ALMS1: variants seen among roughly 807,000 people sequenced by gnomAD.
The protein encoded by ALMS1 is centrosome-associated protein ALMS1.
In ALMS1, 271 loss-of-function variants were observed where a neutral mutation model predicts 352.2. The observed-to-expected ratio is 0.77, with a 90% confidence interval of 0.70 to 0.85. The LOEUF (loss-of-function observed/expected upper bound fraction) is 0.85. ALMS1 is among the 40% of genes least tolerant of loss of function. The pLI, the probability that ALMS1 is intolerant of heterozygous loss-of-function variation, is 0.00. For synonymous variants in ALMS1, 1,865 were observed against 1,761.2 expected (o/e 1.06, Z -1.48); for missense variants, 5,445 against 4,870.7 (o/e 1.12, Z -3.51).
intron 17 of ALMS1, among the ~76,000 whole-genome samples, chr2:73,600,157 G>A (rs1675645033): frequency 6.6e-6 from 1 of 152,182 alleles, no homozygotes; most frequent in Admixed American, 6.5e-5. Flanking sequence ...TTGCTTAAAT[G>A]TGCAAAACGA....
chr2:73,576,354 G>A (rs1176697820), intron 16 of ALMS1, among the ~76,000 whole-genome samples: 1 of 152,004 alleles, frequency 6.6e-6, no homozygotes, highest in African/African-American at 2.4e-5. Context: ...ACTACCATAT[G>A]TGCAATTTCT....
intron 10 of ALMS1, 112 bp from the exon 11 acceptor site, chr2:73,519,663 C>G: frequency 7.0e-7 from 1 of 1,420,580 alleles, no homozygotes; most frequent in Non-Finnish European, 9.8e-7. Context: ...GATGTGTCCA[C>G]AATATATTCC....
At chr2:73,573,553 GAA>G (rs766518589) in intron 16 of ALMS1, 129 bp downstream of exon 16, 54 of 934,410 alleles carry the variant, frequency 5.8e-5, no homozygotes, top group Non-Finnish European at 8.9e-5. Flanking sequence ...TTACCAACTG[GAA>G]AAGAGTGAGA....
At chr2:73,598,111 G>A (rs935832936) in intron 16 of ALMS1, among the ~76,000 whole-genome samples, 2 of 152,120 alleles carry the variant, frequency 1.3e-5, no homozygotes, top group African/African-American at 4.8e-5. Flanking sequence ...ATTTGGATAA[G>A]GTTGGTTCAA....
At chr2:73,405,390 C>T (rs1240998030) in intron 1 of ALMS1, among the ~76,000 whole-genome samples, 1 of 152,044 alleles carries the variant, frequency 6.6e-6, no homozygotes, top group Non-Finnish European at 1.5e-5. Context: ...TCATAGTATT[C>T]TCCTATGATC....
chr2:73,455,842 ATTTTT>A (rs35537968), intron 9 of ALMS1, among the ~76,000 whole-genome samples: 1 of 150,398 alleles, frequency 6.6e-6, no homozygotes, highest in South Asian at 2.1e-4. Flanking sequence ...TGTTTTATCA[ATTTTT>A]TTTTTAAGAA....
At chr2:73,505,571 G>GT (rs1292610707) in intron 10 of ALMS1, among the ~76,000 whole-genome samples, 1 of 152,002 alleles carries the variant, frequency 6.6e-6, no homozygotes, top group African/African-American at 2.4e-5. Context: ...GGGGTTGTTT[G>GT]TTTTTTTCTT....
Position 73,449,753 on chromosome 2 carries a change from G to GT in ALMS1, c.3229dup (p.Ser1077PhefsTer8). 6.2e-7 allele frequency: 1 copy of GT among 1,614,110 alleles called. No individual in the cohort carries two copies. The highest frequency in any genetic ancestry group is 8.5e-7 in the Non-Finnish European group (1 of 1,179,978). On this transcript the variant is annotated frameshift_variant, in exon 8 of 23. Transcript: ENST00000613296. LOFTEE classifies it high-confidence loss of function. Reference sequence around the variant, plus strand: ...TCATCTACCTGAAGAGAGTCTGAAAGTTTCAGCCTTCCCTGGACCAGCTGA... The same window carrying GT: ...TCATCTACCTGAAGAGAGTCTGAAAGTTTTCAGCCTTCCCTGGACCAGCTGA...
At chr2:73,484,807 C>G (rs555638782) in intron 9 of ALMS1, among the ~76,000 whole-genome samples, 25 of 152,316 alleles carry the variant, frequency 1.6e-4, no homozygotes, top group African/African-American at 5.8e-4. Flanking sequence ...CTTCCCTTCT[C>G]GCTTCATTTC....
At chr2:73,558,826 C>G in intron 14 of ALMS1, 146 bp from the exon 15 acceptor site, 1 of 873,342 alleles carries the variant, frequency 1.1e-6, no homozygotes, top group Non-Finnish European at 1.7e-6. Flanking sequence ...CCCCAATTTT[C>G]AATTATTTTC....
At chr2:73,576,646 G>A (rs1675060000) in intron 16 of ALMS1, among the ~76,000 whole-genome samples, 1 of 148,380 alleles carries the variant, frequency 6.7e-6, no homozygotes, top group Non-Finnish European at 1.5e-5. Flanking sequence ...TTGAGACAGA[G>A]TTTCACTCTT....
intron 10 of ALMS1, among the ~76,000 whole-genome samples, chr2:73,509,434 G>A (rs1444100189): frequency 3.3e-5 from 5 of 152,242 alleles, no homozygotes; most frequent in South Asian, 2.1e-4. Context: ...TCCTTCAGGA[G>A]GTCTTGTAAG....
chr2:73,525,486 G>T (rs150017488), intron 11 of ALMS1, among the ~76,000 whole-genome samples: 1,523 of 152,238 alleles, frequency 0.01, 8 homozygotes, highest in South Asian at 0.016. Context: ...GGGTGAGATG[G>T]TATCTCATTG....
chr2:73,600,754 C>G lies in ALMS1; in HGVS notation c.11745C>G (p.Ser3915Arg). 6.2e-6 allele frequency: 10 copies of G among 1,614,058 alleles called. No individual in the cohort carries two copies. Among genetic ancestry groups the G allele is most frequent in the Non-Finnish European group, 8.5e-6 (10 of 1,180,016 alleles). Reference protein sequence around the residue: ...VGITFPTPSSSEAKLEENSDV... With the variant: ...VGITFPTPSSREAKLEENSDV... Reference sequence around the variant, plus strand: ...TAACTTTCCCAACTCCAAGTTCCAGCGAGGCTAAATTGGAAGAGAACAGTG... The same window carrying G: ...TAACTTTCCCAACTCCAAGTTCCAGGGAGGCTAAATTGGAAGAGAACAGTG... The change falls in exon 18 of 23, where the codon AGC (serine) becomes AGG (arginine). Residue 3915 changes from serine to arginine, a missense_variant. Physicochemically the swap from Ser to Arg is moderately radical, Grantham distance 110 (BLOSUM62 -1). Coordinates refer to ENST00000613296, the MANE Select transcript of ALMS1 (RefSeq NM_001378454.1).
chr2:73,570,986 G>T (rs551187420), intron 15 of ALMS1, among the ~76,000 whole-genome samples: 1 of 152,106 alleles, frequency 6.6e-6, no homozygotes, highest in African/African-American at 2.4e-5. Context: ...TTTGTTCTTT[G>T]TAGCCCCTAA....
In ALMS1 at chr2:73,481,936, A is replaced by T. The variant is rs914145045; in HGVS notation, c.7675-7698A>T. Among the ~76,000 whole-genome samples, 9 of 151,952 alleles carry T rather than the reference A, an allele frequency of 5.9e-5. No homozygotes were observed. The East Asian group carries it at 7.7e-4, about 13-fold the overall frequency. On this transcript the variant is annotated intron_variant, in intron 9 of 22. Coordinates refer to ENST00000613296, the MANE Select transcript of ALMS1 (RefSeq NM_001378454.1). Reference sequence around the variant, plus strand: ...TTTTGTACATTGATTTTGTATCCTGAGACTTTGCTGAAGTTGCTTATCAGC... The same window carrying T: ...TTTTGTACATTGATTTTGTATCCTGTGACTTTGCTGAAGTTGCTTATCAGC...
intron 17 of ALMS1, among the ~76,000 whole-genome samples, chr2:73,600,121 T>C (rs1048329839): frequency 6.6e-6 from 1 of 152,090 alleles, no homozygotes; most frequent in Non-Finnish European, 1.5e-5. Context: ...TTTTTTTTAA[T>C]AAAAGAAAGA....
chr2:73,491,608 T>A, intron 10 of ALMS1, 110 bp downstream of exon 10: 1 of 1,190,920 alleles, frequency 8.4e-7, no homozygotes, highest in Non-Finnish European at 1.2e-6. Context: ...TTTCTCTGAG[T>A]GGAGGTTGTG....
chr2:73,480,399 A>G (rs1672673555), intron 9 of ALMS1, among the ~76,000 whole-genome samples: 1 of 152,194 alleles, frequency 6.6e-6, no homozygotes, highest in Non-Finnish European at 1.5e-5. Context: ...TACAAAGGAC[A>G]TGAACTCATC....
Sources: gnomAD v4.1 joint callset for allele counts (sites outside exome capture counted in the v4.1 genomes callset) on GRCh38, gnomAD v4.1.1 for gene constraint, MANE v1.5 for transcripts, NCBI Gene and HGNC (gene_info 2026-07-23, HGNC 2026-07-21) for gene names.